Variants in ASTN1 observed in about 807,000 individuals in gnomAD.
ASTN1 encodes the protein astrotactin 1, also known as astrotactin-1.
Under a neutral mutation model 140.7 loss-of-function variants are expected in ASTN1, and 41 were observed. That is an observed-to-expected ratio of 0.29 (90% CI 0.23 to 0.38). The LOEUF (loss-of-function observed/expected upper bound fraction) is 0.38. Ranked by LOEUF, ASTN1 falls within the 10% of genes least tolerant of loss-of-function variation. ASTN1 has a pLI of 1.00. For synonymous variants in ASTN1, 640 were observed against 652.2 expected (o/e 0.98, Z 0.29); for missense variants, 1,479 against 1,678.8 (o/e 0.88, Z 2.08).
intron 8 of ASTN1, among the ~76,000 whole-genome samples, chr1:176,987,367 CA>C (rs1673954251): frequency 6.6e-6 from 1 of 152,168 alleles, no homozygotes; most frequent in South Asian, 2.1e-4. Context: ...AAACAGGTGA[CA>C]GGTCATATTT....
At chr1:176,873,520 G>C (rs992763205) in intron 21 of ASTN1, among the ~76,000 whole-genome samples, 2 of 152,104 alleles carry the variant, frequency 1.3e-5, no homozygotes, top group African/African-American at 2.4e-5. Flanking sequence ...TCATGCTCCA[G>C]GTCACTTAAA....
In ASTN1 at chr1:176,936,307, A is replaced by G; in HGVS notation, c.2441T>C (p.Val814Ala). The change falls in exon 15 of 23, where the codon GTG (valine) becomes GCG (alanine). Residue 814 changes from valine to alanine, a missense_variant. Val to Ala is a moderately conservative substitution (Grantham distance 64). This residue lies in a region of ASTN1 where 746 missense variants were observed against 800.9 expected (regional missense o/e 0.93). Transcript: ENST00000361833. ...PVLQHWKVRS[V>A]MYHIKLNQVA... ...TTGGTTGAGTTTGATGTGGTACATC[A>G]CAGACCGGACCTTCCAGTGCTGCAG... 6.2e-7 allele frequency: 1 copy of G among 1,613,976 alleles called. No individual in the cohort carries two copies. Among genetic ancestry groups the G allele is most frequent in the Non-Finnish European group, 8.5e-7 (1 of 1,179,982 alleles).
intron 1 of ASTN1, among the ~76,000 whole-genome samples, chr1:177,138,192 C>T (rs1036268984): frequency 4.6e-5 from 7 of 152,276 alleles, no homozygotes; most frequent in East Asian, 1.9e-4. Flanking sequence ...CCTTAAAAGG[C>T]TAAATTTGGT....
chr1:176,934,214 A>G lies in ASTN1; in HGVS notation c.2609T>C (p.Ile870Thr). ...AIYGFEESCS[I>T]WYPNKQVQRR... Reference sequence around the variant, plus strand: ...CTGGACCTGCTTGTTTGGGTACCAGATAGAACAGGACTCCTCAAAGCCGTA... The same window carrying G: ...CTGGACCTGCTTGTTTGGGTACCAGGTAGAACAGGACTCCTCAAAGCCGTA... The change falls in exon 16 of 23, where the codon ATC becomes ACC. Residue 870 changes from isoleucine to threonine, a missense_variant. Ile to Thr is a moderately conservative substitution (Grantham distance 89). This residue lies in a region of ASTN1 where 746 missense variants were observed against 800.9 expected (regional missense o/e 0.93). Transcript: ENST00000361833. 6.2e-7 allele frequency: 1 copy of G among 1,613,962 alleles called. No individual in the cohort carries two copies. Among genetic ancestry groups the G allele is most frequent in the Non-Finnish European group, 8.5e-7 (1 of 1,179,876 alleles).
chr1:176,875,918 G>A (rs943903195), intron 21 of ASTN1, among the ~76,000 whole-genome samples: 5 of 152,160 alleles, frequency 3.3e-5, no homozygotes, highest in Non-Finnish European at 5.9e-5. Context: ...AGACCAGCCC[G>A]GTATTGTCAT....
intron 1 of ASTN1, among the ~76,000 whole-genome samples, chr1:177,159,426 G>T (rs984493890): frequency 1.3e-5 from 2 of 152,182 alleles, no homozygotes; most frequent in African/African-American, 2.4e-5. Context: ...AGAAGGAAAA[G>T]AAACATATTT....
At chr1:176,956,537 A>G (rs1672413627) in intron 11 of ASTN1, among the ~76,000 whole-genome samples, 1 of 152,156 alleles carries the variant, frequency 6.6e-6, no homozygotes, top group Non-Finnish European at 1.5e-5. Flanking sequence ...GGAAAGAGAG[A>G]TGGGGCACCA....
intron 16 of ASTN1, among the ~76,000 whole-genome samples, chr1:176,900,525 C>T (rs1298462245): frequency 6.6e-6 from 1 of 152,182 alleles, no homozygotes; most frequent in Non-Finnish European, 1.5e-5. Context: ...TAGCCCCACA[C>T]CATCCACTTC....
chr1:176,989,078 C>G (rs1322177190), intron 8 of ASTN1, among the ~76,000 whole-genome samples: 3 of 152,118 alleles, frequency 2.0e-5, no homozygotes, highest in Non-Finnish European at 4.4e-5. Context: ...TAGGCTGAAA[C>G]CCAGGAGTAA....
At chr1:176,975,606 C>T (rs1673331470) in intron 8 of ASTN1, among the ~76,000 whole-genome samples, 1 of 152,182 alleles carries the variant, frequency 6.6e-6, no homozygotes, top group South Asian at 2.1e-4. Context: ...CCTGTGTTTT[C>T]ATGGGGCATG....
intron 2 of ASTN1, among the ~76,000 whole-genome samples, chr1:177,051,317 A>C (rs1677531385): frequency 6.6e-6 from 1 of 152,254 alleles, no homozygotes; most frequent in East Asian, 1.9e-4. Context: ...TACTAGATTG[A>C]GGTCAGCAAA....
intron 2 of ASTN1, among the ~76,000 whole-genome samples, chr1:177,059,484 T>C (rs1677974128): frequency 6.6e-6 from 1 of 152,212 alleles, no homozygotes; most frequent in South Asian, 2.1e-4. Flanking sequence ...AATTTGTAAA[T>C]GTAAGTATTA....
chr1:176,969,039 C>T lies in ASTN1; in HGVS notation c.1524-3802G>A, dbSNP rs181194267. ...AAAGGCGGGGCAAAGTAATGAAGAGCTGGACGTAAAAGCACTCATAACGCT... is the reference window on the plus strand; with the variant it reads ...AAAGGCGGGGCAAAGTAATGAAGAGTTGGACGTAAAAGCACTCATAACGCT... On this transcript the variant is annotated intron_variant, in intron 8 of 22. Transcript: ENST00000361833. 4.1e-4 allele frequency among the ~76,000 whole-genome samples: 62 copies of T among 152,208 alleles called. 1 individual carries two copies. Among genetic ancestry groups the T allele is most frequent in the African/African-American group, 1.3e-3 (53 of 41,528 alleles).
intron 1 of ASTN1, among the ~76,000 whole-genome samples, chr1:177,138,182 C>G (rs1270035952): frequency 6.6e-6 from 1 of 152,200 alleles, no homozygotes; most frequent in African/African-American, 2.4e-5. Flanking sequence ...TATCCTATCA[C>G]CTTAAAAGGC....
chr1:177,044,367 T>A (rs933755557), intron 2 of ASTN1, among the ~76,000 whole-genome samples: 1 of 152,008 alleles, frequency 6.6e-6, no homozygotes, highest in Non-Finnish European at 1.5e-5. Flanking sequence ...GAGGTGAGGA[T>A]GGGGGTTGTG....
intron 16 of ASTN1, among the ~76,000 whole-genome samples, chr1:176,910,616 G>A (rs1048470776): frequency 2.0e-5 from 3 of 152,218 alleles, no homozygotes; most frequent in Non-Finnish European, 4.4e-5. Flanking sequence ...ATCATTAAGT[G>A]AGTTCATCAT....
chr1:176,902,170 G>C (rs141339038), intron 16 of ASTN1, among the ~76,000 whole-genome samples: 1 of 107,184 alleles, frequency 9.3e-6, no homozygotes, highest in Non-Finnish European at 2.4e-5. Flanking sequence ...TCGGAAAAAT[G>C]AATTTTTTGT....
chr1:176,902,550 C>T (rs1232786323), intron 16 of ASTN1, among the ~76,000 whole-genome samples: 2 of 151,986 alleles, frequency 1.3e-5, no homozygotes, highest in East Asian at 1.9e-4. Flanking sequence ...GTGTAGATGC[C>T]GTGGTTTGCC....
chr1:177,054,526 C>A (rs1246402003), intron 2 of ASTN1, among the ~76,000 whole-genome samples: 2 of 152,146 alleles, frequency 1.3e-5, no homozygotes, highest in Non-Finnish European at 2.9e-5. Flanking sequence ...ACCACATAAG[C>A]CCACCTCCCC....
Sources: allele counts gnomAD v4.1 joint callset (sites outside exome capture counted in the v4.1 genomes callset), GRCh38; gene constraint gnomAD v4.1.1; regional missense constraint gnomAD v4.1.1; transcripts MANE v1.5; gene names NCBI Gene and HGNC (gene_info 2026-07-23, HGNC 2026-07-21).